The following PHF20 variants were observed in gnomAD, a reference collection of about 807,000 sequenced individuals.
PHF20 encodes PHD finger protein 20.
PHF20 carries 23 observed loss-of-function variants against 113.5 expected under a neutral mutation model. The observed-to-expected ratio is 0.20, with a 90% CI of 0.15 to 0.29. The LOEUF (loss-of-function observed/expected upper bound fraction) is 0.29. Among genes scored for constraint, PHF20 ranks in the 10% least tolerant of loss-of-function variants. The pLI is 1.00. For missense variants in PHF20, 943 were observed against 1,219.6 expected (o/e 0.77, Z 3.38); for synonymous variants, 434 against 457.3 (o/e 0.95, Z 0.65).
At chr20:35,873,562 G>A (rs938652535) in intron 9 of PHF20, among the ~76,000 whole-genome samples, 3 of 150,004 alleles carry the variant, frequency 2.0e-5, no homozygotes, top group Non-Finnish European at 3.0e-5. Context: ...TCTGCCTCCC[G>A]GGTTGAAGCG....
In PHF20 at chr20:35,917,270, G is replaced by A. The variant is rs1380747257; in HGVS notation, c.1826-214G>A. The A allele has an allele frequency of 1.4e-5, 9 of 654,784 alleles. No homozygotes were observed. In the East Asian group the frequency reaches 2.8e-4, roughly 21 times the overall value. The allele number at this position is 654,784 out of a possible 1,614,324, so 40.6% of individuals were successfully genotyped here. On this transcript the variant is annotated intron_variant, in intron 12 of 17. Transcript: ENST00000374012. ...GGCTTCATTCTCTCAGTGAAATGAG[G>A]AAGTGGAGTTGAGTTCACTGCCAGG...
chr20:35,872,543 A>G (rs2054440981), intron 9 of PHF20, among the ~76,000 whole-genome samples: 1 of 152,146 alleles, frequency 6.6e-6, no homozygotes, highest in Admixed American at 6.6e-5. Flanking sequence ...TAAATAATGA[A>G]ATTATACATT....
intron 16 of PHF20, among the ~76,000 whole-genome samples, chr20:35,940,527 C>A (rs2055956960): frequency 6.6e-6 from 1 of 152,074 alleles, no homozygotes; most frequent in Non-Finnish European, 1.5e-5. Context: ...GTTGGTGTGA[C>A]TCCCGTGTAC....
At chr20:35,814,820 C>A (rs1403300756) in intron 2 of PHF20, among the ~76,000 whole-genome samples, 1 of 140,768 alleles carries the variant, frequency 7.1e-6, no homozygotes, top group Non-Finnish European at 1.5e-5. Flanking sequence ...TTGCAATGAG[C>A]CGAGATCCCG....
At chr20:35,817,017 C>T in intron 2 of PHF20, among the ~76,000 whole-genome samples, 1 of 151,670 alleles carries the variant, frequency 6.6e-6, no homozygotes, top group African/African-American at 2.4e-5. Context: ...GTCTCGAACT[C>T]CTGATCTCAT....
chr20:35,843,387 C>T (rs1482599643), intron 3 of PHF20, among the ~76,000 whole-genome samples: 2 of 150,712 alleles, frequency 1.3e-5, no homozygotes, highest in East Asian at 2.0e-4. Flanking sequence ...GATATAGTGG[C>T]GGGCGCCTGT....
intron 2 of PHF20, among the ~76,000 whole-genome samples, chr20:35,827,985 A>G (rs555533840): frequency 6.6e-6 from 1 of 151,972 alleles, no homozygotes; most frequent in East Asian, 1.9e-4. Flanking sequence ...TAGTTTACAA[A>G]CCCTAGAGTA....
At chr20:35,878,523 A>C (rs2054571353) in intron 9 of PHF20, 1 of 639,120 alleles carries the variant, frequency 1.6e-6, no homozygotes, top group Non-Finnish European at 2.8e-6. Flanking sequence ...AAACTTATTC[A>C]AAAAGCTAAA....
chr20:35,858,576 ATTTG>A (rs1371110799), intron 5 of PHF20, among the ~76,000 whole-genome samples, 195 bp downstream of exon 5: 1 of 152,044 alleles, frequency 6.6e-6, no homozygotes, highest in East Asian at 1.9e-4. Flanking sequence ...CTATTTATTT[ATTTG>A]TTTATTTAGA....
intron 2 of PHF20, among the ~76,000 whole-genome samples, chr20:35,822,915 C>T (rs2042195102): frequency 6.6e-6 from 1 of 151,486 alleles, no homozygotes; most frequent in African/African-American, 2.4e-5. Context: ...TCCCTCCAGC[C>T]TCCCCCACTT....
chr20:35,838,711 G>T (rs1450253023), intron 2 of PHF20, among the ~76,000 whole-genome samples: 1 of 152,008 alleles, frequency 6.6e-6, no homozygotes, highest in African/African-American at 2.4e-5. Context: ...ATTTCAAGCG[G>T]GACGTGGTGG....
At chr20:35,911,233 AG>A (rs1004556162) in intron 10 of PHF20, among the ~76,000 whole-genome samples, 2 of 151,730 alleles carry the variant, frequency 1.3e-5, no homozygotes, top group African/African-American at 4.8e-5. Flanking sequence ...TAGTAGAGAC[AG>A]GGTTTTACCA....
At chr20:35,944,153 C>G (rs985957069) in intron 17 of PHF20, among the ~76,000 whole-genome samples, 2 of 152,166 alleles carry the variant, frequency 1.3e-5, no homozygotes, top group African/African-American at 2.4e-5. Context: ...AAAAGAGACA[C>G]TTGGGATGGT....
intron 2 of PHF20, among the ~76,000 whole-genome samples, chr20:35,802,748 G>A (rs1419356961): frequency 6.6e-6 from 1 of 151,214 alleles, no homozygotes; most frequent in Non-Finnish European, 1.5e-5. Flanking sequence ...GACCAGCCTG[G>A]CTAAAGTGGC....
rs757399758 is a variant in PHF20, at chr20:35,863,123, G to A, written c.531G>A (p.Lys177=). 5.6e-6 allele frequency: 9 copies of A among 1,613,206 alleles called. No individual in the cohort carries two copies. Among genetic ancestry groups the A allele is most frequent in the Middle Eastern group, 1.7e-4 (1 of 6,054 alleles). The change falls in exon 6 of 18, where the codon AAG becomes AAA. Residue 177 remains lysine, a synonymous_variant. Coordinates refer to ENST00000374012, the MANE Select transcript of PHF20 (RefSeq NM_016436.5). ...KEQRKATVNV[K]KDKEDKPLKT... Reference sequence around the variant, plus strand: ...AGAGAAAAGCAACAGTGAATGTGAAGAAAGACAAAGAAGATAAACCCTTAA... The same window carrying A: ...AGAGAAAAGCAACAGTGAATGTGAAAAAAGACAAAGAAGATAAACCCTTAA...
chr20:35,943,322 G>C (rs1490927221), intron 17 of PHF20, among the ~76,000 whole-genome samples: 1 of 151,852 alleles, frequency 6.6e-6, no homozygotes, highest in East Asian at 1.9e-4. Flanking sequence ...CTGGGCAACA[G>C]AGTGAGACTC....
At chr20:35,806,916 C>T (rs2041893266) in intron 2 of PHF20, among the ~76,000 whole-genome samples, 1 of 151,692 alleles carries the variant, frequency 6.6e-6, no homozygotes, top group South Asian at 2.1e-4. Flanking sequence ...CTGCCTCAGC[C>T]TCCCGGGTAG....
chr20:35,801,670 G>A (rs2041784036), intron 2 of PHF20, 65 bp downstream of exon 2: 4 of 1,036,522 alleles, frequency 3.9e-6, no homozygotes, highest in Non-Finnish European at 4.4e-6. Context: ...CACTGATAGA[G>A]TGGTAGCTTA....
At chr20:35,844,306 G>A (rs1009318966) in intron 3 of PHF20, among the ~76,000 whole-genome samples, 6 of 151,134 alleles carry the variant, frequency 4.0e-5, no homozygotes, top group Admixed American at 2.0e-4. Flanking sequence ...GTTTCACTGT[G>A]TTAGCCATGA....
Sources: gnomAD v4.1 joint callset for allele counts (sites outside exome capture counted in the v4.1 genomes callset) on GRCh38, gnomAD v4.1.1 for gene constraint, MANE v1.5 for transcripts, NCBI Gene and HGNC (gene_info 2026-07-23, HGNC 2026-07-21) for gene names.